The following MYO15A variants were observed in gnomAD, a reference collection of about 807,000 sequenced individuals.
The protein encoded by MYO15A is myosin XVA.
In MYO15A, 308 loss-of-function variants were observed where a neutral mutation model predicts 394.6. The observed-to-expected ratio is 0.78, with a 90% CI of 0.71 to 0.86. The LOEUF (loss-of-function observed/expected upper bound fraction) is 0.86, where lower values mean the gene tolerates loss of function less well. Among genes scored for constraint, MYO15A ranks in the 40% least tolerant of loss-of-function variants. MYO15A has a pLI of 0.00. For missense variants in MYO15A, 4,606 were observed against 4,799.1 expected, an observed-to-expected ratio of 0.96 and a Z score of 1.19; for synonymous variants, 1,957 against 2,003.8, an observed-to-expected ratio of 0.98 and a Z score of 0.62.
chr17:18,130,764 C>A (rs370006056), intron 7 of MYO15A, 41 bp from the exon 8 acceptor site: 168 of 1,601,514 alleles, frequency 1.0e-4, no homozygotes, highest in Middle Eastern at 6.6e-4. Context: ...CCATTCTGTT[C>A]TTGTCTGTCT....
At chr17:18,155,293 C>T (rs368923310) in intron 46 of MYO15A, 21 bp from the exon 47 acceptor site, 43 of 1,613,404 alleles carry the variant, frequency 2.7e-5, no homozygotes, top group African/African-American at 5.3e-5. Context: ...GATCCTCACA[C>T]GCCCTTCATC....
rs879524104 is a variant in MYO15A, at chr17:18,153,616, T to A, written c.7967-159T>A. 7.8e-5 allele frequency: 52 copies of A among 669,292 alleles called. No individual in the cohort carries two copies. Among genetic ancestry groups the A allele is most frequent in the Non-Finnish European group, 1.4e-5 (7 of 499,022 alleles). 41.5% of individuals were successfully genotyped at this position (669,292 alleles called of 1,614,324 possible). A position where few individuals can be genotyped will look rare whatever the true frequency, so the allele number is the denominator to read the frequency against. Reference sequence around the variant, plus strand: ...AGGAGGCTGAGGCAGGAGAATCGCTTGAACCCAGGAGGCGGAGCTTGCAGT... The same window carrying A: ...AGGAGGCTGAGGCAGGAGAATCGCTAGAACCCAGGAGGCGGAGCTTGCAGT... On this transcript the variant is annotated intron_variant, in intron 42 of 65. Transcript: ENST00000647165. The surrounding 1 kb of genome is among the most constrained non-coding windows in gnomAD (Gnocchi z 4.1).
intron 7 of MYO15A, among the ~76,000 whole-genome samples, chr17:18,128,074 G>A (rs2046086026): frequency 6.6e-6 from 1 of 151,902 alleles, no homozygotes; most frequent in African/African-American, 2.4e-5. Flanking sequence ...TGAGGTGCAA[G>A]CAGATTGGGT....
intron 62 of MYO15A, among the ~76,000 whole-genome samples, chr17:18,170,101 G>A (rs1159864868): frequency 1.3e-5 from 2 of 151,344 alleles, no homozygotes; most frequent in Non-Finnish European, 2.9e-5. Context: ...TGCTTCTGCA[G>A]TCAGCCTGTT....
intron 23 of MYO15A, 99 bp from the exon 24 acceptor site, chr17:18,141,980 G>A: frequency 6.8e-7 from 1 of 1,476,414 alleles, no homozygotes; most frequent in Non-Finnish European, 9.4e-7. Flanking sequence ...CCAGGAGGCT[G>A]CCCTGCCTAT....
At chr17:18,144,237 A>G (rs1332907439) in intron 28 of MYO15A, among the ~76,000 whole-genome samples, 1 of 152,202 alleles carries the variant, frequency 6.6e-6, no homozygotes, top group Non-Finnish European at 1.5e-5. Context: ...TATTTCAGAA[A>G]TTGAACAACT....
rs2045899009 is a variant in MYO15A, at chr17:18,120,571, G to T, written c.1771G>T (p.Gly591Cys). Residue 591 changes from glycine to cysteine, a missense_variant, in exon 2 of 66, where the codon GGC becomes TGC. Around this residue, in one of 2 missense-constraint regions of MYO15A, gnomAD observed 1,830 missense variants for 1,689.7 expected, o/e 1.08. Transcript: ENST00000647165. ...SEKKPIARLR[G>C]SQKARAGGPA... Reference sequence around the variant, plus strand: ...GAAGAAGCCCATCGCGCGGCTCAGGGGCAGCCAGAAGGCCCGGGCGGGCGG... The same window carrying T: ...GAAGAAGCCCATCGCGCGGCTCAGGTGCAGCCAGAAGGCCCGGGCGGGCGG... The T allele has an allele frequency of 1.3e-6, 2 of 1,599,900 alleles. No homozygotes were observed. Among genetic ancestry groups the T allele is most frequent in the Admixed American group, 1.7e-5 (1 of 59,098 alleles).
chr17:18,161,207 G>A (rs2046770564), intron 56 of MYO15A, 110 bp from the exon 57 acceptor site: 3 of 1,424,098 alleles, frequency 2.1e-6, no homozygotes, highest in Non-Finnish European at 2.9e-6. Context: ...CATCCTCAGG[G>A]GACAGGAGCT....
At position 18,157,210 on chromosome 17, in the gene MYO15A, G is replaced by A. The variant is rs761180573; in HGVS notation, c.8768G>A (p.Arg2923Gln). 105 of 1,608,280 alleles carry A rather than the reference G, an allele frequency of 6.5e-5. No homozygotes were observed. Among genetic ancestry groups the A allele is most frequent in the African/African-American group, 5.1e-4 (38 of 74,764 alleles). Residue 2923 changes from arginine to glutamine, a missense_variant, in exon 50 of 66, where the codon CGA becomes CAA. Coordinates refer to ENST00000647165, the MANE Select transcript of MYO15A (RefSeq NM_016239.4). ...AAGGTGGTGTACCTGGAGGAGCTGC[G>A]ACGTAGAGGCCCCGACTTTGGTGTG... ...RRKVVYLEEL[R>Q]RRGPDFGWRF...
In MYO15A at chr17:18,120,905, C is replaced by T; in HGVS notation, c.2105C>T (p.Pro702Leu). The T allele has an allele frequency of 2.1e-6, 3 of 1,411,378 alleles. No homozygotes were observed. The highest frequency in any genetic ancestry group is 2.5e-4 in the Middle Eastern group (1 of 3,922). 87.4% of individuals were successfully genotyped at this position (1,411,378 alleles called of 1,614,324 possible). A position where few individuals can be genotyped will look rare whatever the true frequency, so the allele number is the denominator to read the frequency against. Residue 702 changes from proline (P) to leucine (L), a missense_variant, in exon 2 of 66, where the codon CCG becomes CTG. Physicochemically the swap from Pro to Leu is moderately conservative, Grantham distance 98. Around this residue, in one of 2 missense-constraint regions of MYO15A, gnomAD observed 1,830 missense variants for 1,689.7 expected, o/e 1.08. Coordinates refer to ENST00000647165, the MANE Select transcript of MYO15A (RefSeq NM_016239.4). ...SPYGSLRRHPPPWAAPAHVPP... is the reference protein window; with the variant it reads ...SPYGSLRRHPLPWAAPAHVPP... Reference sequence around the variant, plus strand: ...TACGGCTCCCTCCGCCGCCACCCGCCGCCCTGGGCCGCCCCAGCGCACGTG... The same window carrying T: ...TACGGCTCCCTCCGCCGCCACCCGCTGCCCTGGGCCGCCCCAGCGCACGTG...
At chr17:18,112,421 G>A (rs114136563) in intron 1 of MYO15A, among the ~76,000 whole-genome samples, 4,160 of 151,886 alleles carry the variant, frequency 0.027, 203 homozygotes, top group African/African-American at 0.095. Context: ...TGGGGGACAG[G>A]GTCTCGCACC....
In MYO15A at chr17:18,172,184, GCTC is replaced by G. The variant is rs760069953; in HGVS notation, c.10250_10252del (p.Ser3417del). The G allele has an allele frequency of 9.9e-6, 16 of 1,614,028 alleles. No individual in the cohort carries two copies. In the East Asian group the frequency reaches 2.7e-4, roughly 27 times the overall value. On this transcript the variant is annotated inframe_deletion, in exon 64 of 66. Coordinates refer to ENST00000647165, the MANE Select transcript of MYO15A (RefSeq NM_016239.4). ...CTCCTCAGCGCCTTACCTATGTTCGGCTCCTCCTTCTTCTTCATCCAGAGCTGC... is the reference window on the plus strand; with the variant it reads ...CTCCTCAGCGCCTTACCTATGTTCGGCTCCTTCTTCTTCATCCAGAGCTGC...
At chr17:18,167,355 A>G (rs2046869063) in intron 61 of MYO15A, among the ~76,000 whole-genome samples, 1 of 152,182 alleles carries the variant, frequency 6.6e-6, no homozygotes. Context: ...GCCAGCCCAC[A>G]TCCTACACAA....
rs2046858958 is a variant in MYO15A at position 18,166,602 on chromosome 17, G to A, written c.9948+81G>A. ...GTGAATCAGACTCCACAGCCTTGGT[G>A]TTTGAAGTGTTCATGATTCAGGCCC... On this transcript the variant is annotated intron_variant, in intron 61 of 65. Coordinates refer to ENST00000647165, the MANE Select transcript of MYO15A (RefSeq NM_016239.4). 4.5e-6 allele frequency: 7 copies of A among 1,565,252 alleles called. 1 individual carries two copies. The highest frequency in any genetic ancestry group is 3.4e-5 in the South Asian group (3 of 89,464).
In MYO15A at chr17:18,157,770, A is replaced by T; in HGVS notation, c.8837A>T (p.Glu2946Val). The T allele has an allele frequency of 1.2e-6, 2 of 1,605,410 alleles. No individual in the cohort carries two copies. Among genetic ancestry groups the T allele is most frequent in the South Asian group, 2.2e-5 (2 of 91,074 alleles). The change falls in exon 51 of 66, where the codon GAG (glutamate) becomes GTG (valine). Residue 2946 changes from glutamate (E) to valine (V), a missense_variant. Glu to Val is a moderately radical substitution (Grantham distance 121, BLOSUM62 -2). Transcript: ENST00000647165. ...IHGRVGRFPS[E>V]LVQPAAAPDF... ...GGGCGCGTGGGCCGCTTCCCTTCGGAGCTGGTGCAGCCCGCTGCTGCCCCC... is the reference window on the plus strand; with the variant it reads ...GGGCGCGTGGGCCGCTTCCCTTCGGTGCTGGTGCAGCCCGCTGCTGCCCCC...
At chr17:18,152,649 G>A (rs2046604141) in intron 42 of MYO15A, among the ~76,000 whole-genome samples, 1 of 151,980 alleles carries the variant, frequency 6.6e-6, no homozygotes, top group East Asian at 1.9e-4. Context: ...CCTACAATAA[G>A]CTCCAAACTC....
intron 59 of MYO15A, 149 bp from the exon 60 acceptor site, chr17:18,163,593 G>A: frequency 1.3e-6 from 1 of 793,794 alleles, no homozygotes; most frequent in Non-Finnish European, 2.1e-6. Flanking sequence ...CCCTGCCTGA[G>A]GCTGATTCTC....
At chr17:18,138,725 C>A in intron 17 of MYO15A, 86 bp from the exon 18 acceptor site, 1 of 1,541,220 alleles carries the variant, frequency 6.5e-7, no homozygotes, top group Non-Finnish European at 8.8e-7. Flanking sequence ...CAGTTGGGAG[C>A]AGTCGGGGAT....
chr17:18,172,017 C>T, intron 63 of MYO15A, 140 bp from the exon 64 acceptor site: 1 of 1,444,976 alleles, frequency 6.9e-7, no homozygotes, highest in Non-Finnish European at 9.5e-7. Flanking sequence ...AGAAGGGAGG[C>T]CAGAGAGATG....
Sources: gnomAD v4.1 joint callset for allele counts (sites outside exome capture counted in the v4.1 genomes callset) on GRCh38, gnomAD v4.1.1 for gene constraint, gnomAD v4.1.1 regional missense constraint, Gnocchi (gnomAD v3.1) non-coding constraint, MANE v1.5 for transcripts, NCBI Gene and HGNC (gene_info 2026-07-23, HGNC 2026-07-21) for gene names.